ADAMTS17: variants seen among roughly 807,000 people sequenced by gnomAD.
ADAMTS17 encodes the protein ADAM metallopeptidase with thrombospondin type 1 motif 17, also known as A disintegrin and metalloproteinase with thrombospondin motifs 17.
A neutral mutation model predicts 141.5 loss-of-function variants in ADAMTS17; 113 were observed. The observed-to-expected ratio is 0.80, with a 90% CI of 0.69 to 0.93. The LOEUF (loss-of-function observed/expected upper bound fraction) is 0.93. ADAMTS17 is among the 40% of genes least tolerant of loss of function. The probability of loss-of-function intolerance (pLI) is 0.00; values close to 1 mark genes in which losing one functional copy is unlikely to be tolerated. For synonymous variants in ADAMTS17, 768 were observed against 630.6 expected, an observed-to-expected ratio of 1.22 and a Z score of -3.27; for missense variants, 1,659 against 1,517.9, an observed-to-expected ratio of 1.09 and a Z score of -1.54.
chr15:100,258,569 T>C (rs745735728), intron 6 of ADAMTS17, among the ~76,000 whole-genome samples: 53 of 152,138 alleles, frequency 3.5e-4, no homozygotes, highest in Non-Finnish European at 7.2e-4. Flanking sequence ...AGAGAGCTTG[T>C]GCAGGGAAAC....
At chr15:100,290,887 A>G in intron 3 of ADAMTS17, among the ~76,000 whole-genome samples, 1 of 152,240 alleles carries the variant, frequency 6.6e-6, no homozygotes, top group Non-Finnish European at 1.5e-5. Flanking sequence ...ACCTAAAACT[A>G]TAAAAACTCT....
intron 3 of ADAMTS17, among the ~76,000 whole-genome samples, chr15:100,327,940 T>A (rs1311111817): frequency 6.6e-6 from 1 of 152,164 alleles, no homozygotes; most frequent in Non-Finnish European, 1.5e-5. Flanking sequence ...TGCTCAGACA[T>A]AAAACCCTAC....
At chr15:100,037,706 G>C (rs141098277) in intron 18 of ADAMTS17, among the ~76,000 whole-genome samples, 108 of 152,024 alleles carry the variant, frequency 7.1e-4, no homozygotes, top group African/African-American at 2.5e-3. Flanking sequence ...ACCATGCTTG[G>C]CCTAGATGTT....
chr15:99,980,368 C>G (rs2060459705), intron 20 of ADAMTS17: 1 of 152,260 alleles, frequency 6.6e-6, no homozygotes, highest in Non-Finnish European at 1.5e-5. Flanking sequence ...TGCCTGCCGA[C>G]CTGCAGGCAA....
intron 15 of ADAMTS17, among the ~76,000 whole-genome samples, chr15:100,059,269 G>A (rs994809244): frequency 4.6e-5 from 7 of 152,254 alleles, no homozygotes; most frequent in South Asian, 4.1e-4. Flanking sequence ...GCATGCCCAC[G>A]CACTGCCTGT....
chr15:100,191,790 G>C (rs147936802), intron 8 of ADAMTS17, among the ~76,000 whole-genome samples: 28 of 152,280 alleles, frequency 1.8e-4, no homozygotes, highest in African/African-American at 6.7e-4. Flanking sequence ...GAGAGAAAGG[G>C]AGAGGGGAGG....
At chr15:100,230,424 T>C (rs1258277094) in intron 7 of ADAMTS17, among the ~76,000 whole-genome samples, 3 of 152,120 alleles carry the variant, frequency 2.0e-5, no homozygotes, top group African/African-American at 7.2e-5. Context: ...ATCCATGCCA[T>C]AGACACACGA....
intron 19 of ADAMTS17, among the ~76,000 whole-genome samples, chr15:99,995,911 C>T (rs966829999): frequency 6.6e-6 from 1 of 152,206 alleles, no homozygotes; most frequent in Non-Finnish European, 1.5e-5. Context: ...CACATAGATA[C>T]AGACACAGAG....
chr15:100,007,339 G>A (rs2061055749), intron 18 of ADAMTS17, among the ~76,000 whole-genome samples: 1 of 152,164 alleles, frequency 6.6e-6, no homozygotes, highest in Non-Finnish European at 1.5e-5. Context: ...GTACACTCAG[G>A]AATCATGTGC....
chr15:100,191,547 G>A (rs142602608), intron 8 of ADAMTS17, among the ~76,000 whole-genome samples: 1 of 152,332 alleles, frequency 6.6e-6, no homozygotes, highest in Admixed American at 6.5e-5. Flanking sequence ...AAGAAATGTC[G>A]TCGCCTCGCA....
chr15:100,111,034 C>T (rs1194140928), intron 13 of ADAMTS17, among the ~76,000 whole-genome samples: 1 of 152,212 alleles, frequency 6.6e-6, no homozygotes, highest in Non-Finnish European at 1.5e-5. Flanking sequence ...AAATGCTTCC[C>T]TCAGTTCTTC....
chr15:100,245,617 C>G (rs534105096), intron 7 of ADAMTS17, among the ~76,000 whole-genome samples: 1 of 152,350 alleles, frequency 6.6e-6, no homozygotes, highest in South Asian at 2.1e-4. Context: ...GCAGGAAGAA[C>G]AAGAAAAGTT....
At chr15:100,062,854 G>A (rs75221112) in intron 15 of ADAMTS17, among the ~76,000 whole-genome samples, 6,709 of 152,178 alleles carry the variant, frequency 0.044, 179 homozygotes, top group Middle Eastern at 0.082. Context: ...CAGGAACATG[G>A]GATTAAAGCT....
intron 20 of ADAMTS17, among the ~76,000 whole-genome samples, chr15:99,991,795 G>A (rs1325181871): frequency 2.0e-5 from 3 of 152,142 alleles, no homozygotes; most frequent in Non-Finnish European, 2.9e-5. Flanking sequence ...ATGATAGACT[G>A]GATAAAGAAA....
intron 3 of ADAMTS17, among the ~76,000 whole-genome samples, chr15:100,322,931 C>CA (rs1182219793): frequency 4.8e-4 from 73 of 151,296 alleles, no homozygotes; most frequent in Admixed American, 3.4e-3. Flanking sequence ...ACTAAAAATA[C>CA]AAAAAATTAG....
chr15:100,198,387 C>T (rs987684215), intron 8 of ADAMTS17, among the ~76,000 whole-genome samples: 1 of 152,186 alleles, frequency 6.6e-6, no homozygotes, highest in African/African-American at 2.4e-5. Flanking sequence ...TGACTTTACT[C>T]TCGTAAAAAC....
rs1054393704 is a variant in ADAMTS17, at chr15:99,973,296, A to T, written c.*1106T>A. ...CGGCGGGTGTGCAGCAGTGCCAGCCAGATGGCGTTCCTCCCCTGGTCCTGG... is the reference window on the plus strand; with the variant it reads ...CGGCGGGTGTGCAGCAGTGCCAGCCTGATGGCGTTCCTCCCCTGGTCCTGG... On this transcript the variant is annotated 3_prime_UTR_variant, in exon 22 of 22. Coordinates refer to ENST00000268070, the MANE Select transcript of ADAMTS17 (RefSeq NM_139057.4). The T allele has an allele frequency of 1.3e-5, 2 of 152,312 alleles. No homozygotes were observed. Among genetic ancestry groups the T allele is most frequent in the Admixed American group, 1.3e-4 (2 of 15,284 alleles). 9.4% of individuals were successfully genotyped at this position (152,312 alleles called of 1,614,324 possible).
At chr15:100,282,347 C>G (rs1421207235) in intron 3 of ADAMTS17, among the ~76,000 whole-genome samples, 1 of 152,228 alleles carries the variant, frequency 6.6e-6, no homozygotes, top group Non-Finnish European at 1.5e-5. Flanking sequence ...AAACTGGATA[C>G]AGCAGGCCCT....
intron 15 of ADAMTS17, among the ~76,000 whole-genome samples, chr15:100,082,560 G>C (rs2034816331): frequency 6.6e-6 from 1 of 151,720 alleles, no homozygotes; most frequent in African/African-American, 2.4e-5. Context: ...TGATTTTTTT[G>C]TATTTTTTGT....
Sources: gnomAD v4.1 joint callset for allele counts (sites outside exome capture counted in the v4.1 genomes callset) on GRCh38, gnomAD v4.1.1 for gene constraint, MANE v1.5 for transcripts, NCBI Gene and HGNC (gene_info 2026-07-23, HGNC 2026-07-21) for gene names.